Variants in TTI1 observed in about 807,000 individuals in gnomAD.
TTI1 encodes TELO2-interacting protein 1 homolog.
A neutral mutation model predicts 85.4 loss-of-function variants in TTI1; 52 were observed. The observed-to-expected ratio is 0.61, with a 90% confidence interval of 0.49 to 0.77. The LOEUF (loss-of-function observed/expected upper bound fraction) is 0.77, where lower values mean the gene tolerates loss of function less well. TTI1 is among the 30% of genes least tolerant of loss of function. The pLI, the probability that TTI1 is intolerant of heterozygous loss-of-function variation, is 0.00. For missense variants in TTI1, 1,173 were observed against 1,296.0 expected (o/e 0.91, Z 1.46); for synonymous variants, 512 against 503.9 (o/e 1.02, Z -0.22).
intron 4 of TTI1, among the ~76,000 whole-genome samples, 166 bp downstream of exon 4, chr20:38,002,462 T>C (rs1203566864): frequency 6.6e-6 from 1 of 152,194 alleles, no homozygotes; most frequent in Non-Finnish European, 1.5e-5. Flanking sequence ...CAGAAAGATG[T>C]AAAACTGTCA....
chr20:37,989,459 A>G (rs1167215783), intron 7 of TTI1, among the ~76,000 whole-genome samples: 1 of 152,258 alleles, frequency 6.6e-6, no homozygotes, highest in African/African-American at 2.4e-5. Flanking sequence ...TGGCGCTGAG[A>G]GGTCCAATCT....
chr20:38,013,454 C>G lies in TTI1; in HGVS notation c.363G>C (p.Leu121Phe), dbSNP rs190775847. ...KPAAVSEELK[L>F]AVIQGLSTLM... Reference sequence around the variant, plus strand: ...ATGTGCTAAGTCCCTGGATCACAGCCAATTTCAACTCCTCGGACACAGCCG... The same window carrying G: ...ATGTGCTAAGTCCCTGGATCACAGCGAATTTCAACTCCTCGGACACAGCCG... The change falls in exon 2 of 8, where the codon TTG (leucine) becomes TTC (phenylalanine). Residue 121 changes from leucine (L) to phenylalanine (F), a missense_variant. Leu to Phe is a conservative substitution (Grantham distance 22, BLOSUM62 0). Coordinates refer to ENST00000373447, the MANE Select transcript of TTI1 (RefSeq NM_001303457.2). 5.0e-6 allele frequency: 8 copies of G among 1,613,996 alleles called. No individual in the cohort carries two copies. In the East Asian group the frequency reaches 8.9e-5, roughly 18 times the overall value.
chr20:38,026,293 G>A (rs549256941), intron 1 of TTI1, among the ~76,000 whole-genome samples: 1 of 152,096 alleles, frequency 6.6e-6, no homozygotes, highest in African/African-American at 2.4e-5. Flanking sequence ...TCAAGTACCT[G>A]GGATTACAGG....
intron 6 of TTI1, 59 bp from the exon 7 acceptor site, chr20:37,996,521 T>C: frequency 6.3e-7 from 1 of 1,585,962 alleles, no homozygotes; most frequent in South Asian, 1.1e-5. Context: ...GGACAAGCAG[T>C]GACCAACTGT....
intron 1 of TTI1, among the ~76,000 whole-genome samples, chr20:38,030,783 A>C (rs1182699951): frequency 1.3e-5 from 2 of 152,180 alleles, no homozygotes; most frequent in Admixed American, 6.5e-5. Flanking sequence ...TCTCTAACCC[A>C]GATAGCTCTT....
At chr20:37,995,198 A>G (rs934316293) in intron 7 of TTI1, among the ~76,000 whole-genome samples, 3 of 152,222 alleles carry the variant, frequency 2.0e-5, no homozygotes, top group Non-Finnish European at 4.4e-5. Context: ...TCATGAAACT[A>G]TGACTGATTC....
Position 38,002,635 on chromosome 20 carries a change from C to T in TTI1, c.2645G>A (p.Arg882His), listed in dbSNP as rs759786005. 23 of 1,614,014 alleles carry T rather than the reference C, an allele frequency of 1.4e-5. No homozygotes were observed. Among genetic ancestry groups the T allele is most frequent in the African/African-American group, 2.7e-5 (2 of 74,926 alleles). Reference sequence around the variant, plus strand: ...AAGCAGCTGCGCACTGACCTTCAGGCGGATTTGCAGATTTTTATCTGACAA... The same window carrying T: ...AAGCAGCTGCGCACTGACCTTCAGGTGGATTTGCAGATTTTTATCTGACAA... ...HLLSDKNLQI[R>H]LKVLDVLDLC... The change falls in exon 4 of 8, where the codon CGC (arginine) becomes CAC (histidine). Residue 882 changes from arginine (R) to histidine (H), a missense_variant. Transcript: ENST00000373447.
intron 1 of TTI1, among the ~76,000 whole-genome samples, chr20:38,018,287 A>G (rs775164843): frequency 6.6e-6 from 1 of 152,212 alleles, no homozygotes; most frequent in Non-Finnish European, 1.5e-5. Flanking sequence ...GCTGAAATCT[A>G]TAAAAAAAAT....
chr20:37,987,472 C>T (rs531511561), intron 7 of TTI1: 6 of 390,788 alleles, frequency 1.5e-5, no homozygotes, highest in South Asian at 9.7e-5. Flanking sequence ...AATATATGTA[C>T]ACCATTTAAC....
At chr20:38,010,069 C>G (rs1044025180) in intron 2 of TTI1, among the ~76,000 whole-genome samples, 4 of 152,144 alleles carry the variant, frequency 2.6e-5, no homozygotes, top group Non-Finnish European at 5.9e-5. Flanking sequence ...GTCTTTTTCT[C>G]TGCTCTATCT....
chr20:38,012,358 G>T lies in TTI1; in HGVS notation c.1459C>A (p.Leu487Ile). The part of the protein sequence containing the change: ...RFFTDERIFM[L>I]LRQVCQLLGY... The stretch of plus-strand genomic sequence containing the variant: ...AGTAGCTGACAAACCTGCCTCAAGA[G>T]CATGAAGATTCTCTCATCAGTGAAG... Residue 487 changes from leucine to isoleucine, a missense_variant, in exon 2 of 8, where the codon CTC becomes ATC. Leu to Ile is a conservative substitution (Grantham distance 5, BLOSUM62 2). Transcript: ENST00000373447. 6 of 1,614,176 alleles carry T rather than the reference G, an allele frequency of 3.7e-6. No homozygotes were observed. Among genetic ancestry groups the T allele is most frequent in the Non-Finnish European group, 5.1e-6 (6 of 1,180,042 alleles).
intron 2 of TTI1, among the ~76,000 whole-genome samples, chr20:38,011,295 T>C (rs1600635886): frequency 6.6e-6 from 1 of 152,232 alleles, no homozygotes; most frequent in East Asian, 1.9e-4. Flanking sequence ...CTGCAGGGTT[T>C]ATACCCTGGC....
chr20:38,020,324 ATATATATAT>A lies in TTI1; in HGVS notation c.-41-6476_-41-6468del, dbSNP rs370527182. Among the ~76,000 whole-genome samples, 75 of 45,798 alleles carry A rather than the reference ATATATATAT, an allele frequency of 1.6e-3. 2 individuals are homozygous for A. The highest frequency in any genetic ancestry group is 4.3e-3 in the African/African-American group (51 of 11,918). The allele number at this position is 45,798 out of a possible 152,430, so 30.0% of individuals were successfully genotyped here. On this transcript the variant is annotated intron_variant, in intron 1 of 7. Transcript: ENST00000373447. ...GCTACTCATATGAAAAAAAAAAAAA[ATATATATAT>A]ATATATATATATATATATATGTATG...
In TTI1 at chr20:37,983,150, G is replaced by A; in HGVS notation, c.*306C>T. 5.3e-6 allele frequency: 1 copy of A among 187,054 alleles called. No individual in the cohort carries two copies. Among genetic ancestry groups the A allele is most frequent in the Admixed American group, 6.2e-5 (1 of 16,194 alleles). The allele number at this position is 187,054 out of a possible 1,614,324, so 11.6% of individuals were successfully genotyped here. On this transcript the variant is annotated 3_prime_UTR_variant, in exon 8 of 8. Transcript: ENST00000373447. ...GCAGATGGAGGGGAACTGACCTCTT[G>A]TGTGTGTGTGTGTGTGGCCTGTGAG...
chr20:38,011,442 A>T (rs1336884459), intron 2 of TTI1, 73 bp downstream of exon 2: 1 of 1,526,104 alleles, frequency 6.6e-7, no homozygotes, highest in African/African-American at 1.4e-5. Flanking sequence ...CAATGCAAAA[A>T]ACGAGGCTAA....
intron 3 of TTI1, among the ~76,000 whole-genome samples, chr20:38,004,184 C>T (rs751082384): frequency 7.9e-5 from 12 of 152,182 alleles, no homozygotes; most frequent in Non-Finnish European, 1.6e-4. Flanking sequence ...TGCTGCGTTG[C>T]ATGAGATAGA....
At chr20:38,024,072 T>C (rs1255687606) in intron 1 of TTI1, among the ~76,000 whole-genome samples, 1 of 152,146 alleles carries the variant, frequency 6.6e-6, no homozygotes, top group Admixed American at 6.5e-5. Flanking sequence ...TTCCCTCCAC[T>C]AGACAGGACC....
intron 7 of TTI1, among the ~76,000 whole-genome samples, chr20:37,986,754 G>A (rs556128987): frequency 1.3e-5 from 2 of 152,178 alleles, no homozygotes; most frequent in South Asian, 4.1e-4. Context: ...CTTCCAGAAA[G>A]AGAGAGAGAG....
intron 1 of TTI1, among the ~76,000 whole-genome samples, chr20:38,020,336 ATATATATATATATATATG>A (rs1325971781): frequency 1.5e-4 from 17 of 116,246 alleles, no homozygotes; most frequent in Non-Finnish European, 3.7e-5. Flanking sequence ...ATATATATAT[ATATATATATATATATATG>A]TATGTATCTT....
Sources: gnomAD v4.1 joint callset for allele counts (sites outside exome capture counted in the v4.1 genomes callset) on GRCh38, gnomAD v4.1.1 for gene constraint, MANE v1.5 for transcripts, NCBI Gene and HGNC (gene_info 2026-07-23, HGNC 2026-07-21) for gene names.